Variants in PPP1R9A observed in about 807,000 individuals in gnomAD.
PPP1R9A encodes neurabin-1.
A neutral mutation model predicts 141.9 loss-of-function variants in PPP1R9A; 59 were observed. The ratio of observed to expected loss-of-function variants is 0.42; its 90% CI spans 0.34 to 0.52. The LOEUF (loss-of-function observed/expected upper bound fraction) is 0.52. PPP1R9A is among the 20% of genes least tolerant of loss of function. The pLI, the probability that PPP1R9A is intolerant of heterozygous loss-of-function variation, is 0.10. For missense variants in PPP1R9A, 1,444 were observed against 1,611.9 expected (o/e 0.90, Z 1.78); for synonymous variants, 500 against 569.7 (o/e 0.88, Z 1.74).
rs1795107270 is a variant in PPP1R9A, at chr7:95,226,062, C to G, written c.2058C>G (p.Asp686Glu). Residue 686 changes from aspartate to glutamate, a missense_variant, in exon 8 of 20, where the codon GAC becomes GAG. Transcript: ENST00000433360. ...IEVFELPENEDMFSPSELDTS... is the reference protein window; with the variant it reads ...IEVFELPENEEMFSPSELDTS... ...TCTTTGAGCTGCCTGAGAATGAGGACATGTTTTCCCCATCAGAACTGGACA... is the reference window on the plus strand; with the variant it reads ...TCTTTGAGCTGCCTGAGAATGAGGAGATGTTTTCCCCATCAGAACTGGACA... 6.2e-7 allele frequency: 1 copy of G among 1,613,472 alleles called. No homozygotes were observed. Among genetic ancestry groups the G allele is most frequent in the Non-Finnish European group, 8.5e-7 (1 of 1,179,652 alleles).
intron 8 of PPP1R9A, among the ~76,000 whole-genome samples, chr7:95,230,639 A>C (rs1045684051): frequency 2.0e-5 from 3 of 152,186 alleles, no homozygotes; most frequent in African/African-American, 7.2e-5. Context: ...TAAAGCCTCC[A>C]AGAAGTTTGG....
chr7:95,018,973 T>C (rs1003193472), intron 2 of PPP1R9A, among the ~76,000 whole-genome samples: 4 of 152,186 alleles, frequency 2.6e-5, no homozygotes, highest in African/African-American at 9.7e-5. Flanking sequence ...GGAAAATCTT[T>C]TCAGAAATGG....
At chr7:94,940,771 T>C (rs1795255655) in intron 2 of PPP1R9A, among the ~76,000 whole-genome samples, 1 of 152,012 alleles carries the variant, frequency 6.6e-6, no homozygotes, top group Admixed American at 6.6e-5. Flanking sequence ...GGTAGATTCA[T>C]AGAATTTCAA....
intron 12 of PPP1R9A, among the ~76,000 whole-genome samples, chr7:95,257,316 A>G (rs761766927): frequency 2.0e-5 from 3 of 152,156 alleles, no homozygotes; most frequent in Non-Finnish European, 4.4e-5. Flanking sequence ...TGAGAATAAT[A>G]CAGAGCAGAC....
chr7:94,929,251 G>A (rs1793862418), intron 2 of PPP1R9A, among the ~76,000 whole-genome samples: 2 of 152,156 alleles, frequency 1.3e-5, no homozygotes, highest in Admixed American at 1.3e-4. Context: ...CTCCCAAGGA[G>A]CTTGAATTCG....
intron 2 of PPP1R9A, among the ~76,000 whole-genome samples, chr7:95,069,929 T>C (rs1225344190): frequency 6.6e-6 from 1 of 152,200 alleles, no homozygotes; most frequent in Non-Finnish European, 1.5e-5. Flanking sequence ...TACTATATGC[T>C]GTTCATGTTG....
At chr7:95,020,646 C>T (rs1214962201) in intron 2 of PPP1R9A, among the ~76,000 whole-genome samples, 2 of 152,086 alleles carry the variant, frequency 1.3e-5, no homozygotes, top group African/African-American at 2.4e-5. Context: ...CAGACAGGCC[C>T]CTTCTTGTGT....
chr7:94,941,626 C>T (rs1287135809), intron 2 of PPP1R9A, among the ~76,000 whole-genome samples: 9 of 150,168 alleles, frequency 6.0e-5, no homozygotes, highest in Non-Finnish European at 1.0e-4. Context: ...TTTTTTTGGC[C>T]TAGGCTGACC....
intron 8 of PPP1R9A, among the ~76,000 whole-genome samples, chr7:95,228,366 G>A (rs1017937828): frequency 6.6e-6 from 1 of 152,116 alleles, no homozygotes; most frequent in African/African-American, 2.4e-5. Context: ...AACATATACT[G>A]GAATTTGTTG....
chr7:95,142,998 A>C (rs1826973490), intron 4 of PPP1R9A, among the ~76,000 whole-genome samples: 1 of 152,150 alleles, frequency 6.6e-6, no homozygotes, highest in African/African-American at 2.4e-5. Context: ...GAATTTGGGA[A>C]CAGAGGAGTC....
At position 95,132,618 on chromosome 7, in the gene PPP1R9A, G is replaced by A. The variant is rs182292051; in HGVS notation, c.1649+11786G>A. Among the ~76,000 whole-genome samples, 342 of 152,164 alleles carry A rather than the reference G, an allele frequency of 2.2e-3. 2 individuals carry two copies. Among genetic ancestry groups the A allele is most frequent in the African/African-American group, 7.6e-3 (316 of 41,506 alleles). ...GATTCCGGTGTTACATGACCCCTTC[G>A]GTGCCGCTTCGCCAGCTGGAAATCT... On this transcript the variant is annotated intron_variant, in intron 4 of 19. Coordinates refer to ENST00000433360, the MANE Select transcript of PPP1R9A (RefSeq NM_001166160.2).
chr7:95,258,337 A>G (rs1053235942), intron 12 of PPP1R9A, among the ~76,000 whole-genome samples: 3 of 152,198 alleles, frequency 2.0e-5, no homozygotes, highest in African/African-American at 4.8e-5. Context: ...GTCTGTTCAT[A>G]TCCTTCGCCC....
chr7:94,981,441 T>C (rs1433226013), intron 2 of PPP1R9A, among the ~76,000 whole-genome samples: 1 of 152,182 alleles, frequency 6.6e-6, no homozygotes, highest in Non-Finnish European at 1.5e-5. Context: ...GGTTTCACCA[T>C]GTTGGCCAGG....
chr7:94,952,563 C>T (rs986900957), intron 2 of PPP1R9A, among the ~76,000 whole-genome samples: 5 of 152,150 alleles, frequency 3.3e-5, no homozygotes, highest in East Asian at 3.9e-4. Context: ...GTAATTTACA[C>T]ACCCACCAAC....
chr7:94,990,920 A>C (rs900316515), intron 2 of PPP1R9A, among the ~76,000 whole-genome samples: 7 of 152,134 alleles, frequency 4.6e-5, no homozygotes, highest in African/African-American at 2.4e-5. Context: ...CATTGTGTAT[A>C]AATACACCAC....
chr7:95,002,093 T>C (rs1803014435), intron 2 of PPP1R9A, among the ~76,000 whole-genome samples: 1 of 152,178 alleles, frequency 6.6e-6, no homozygotes, highest in East Asian at 1.9e-4. Context: ...GGGAAATAGC[T>C]AGCCCTTCAA....
intron 2 of PPP1R9A, among the ~76,000 whole-genome samples, chr7:95,038,810 G>T (rs941500444): frequency 1.3e-5 from 2 of 152,122 alleles, no homozygotes; most frequent in Non-Finnish European, 2.9e-5. Flanking sequence ...ACACTGGCAC[G>T]TCTCCAGTTT....
rs115856962 is a variant in PPP1R9A at position 94,992,511 on chromosome 7, G to A, written c.1395+81003G>A. ...TAATCACCTAGGAGTGGATCGTATT[G>A]TAGGTGTATGTTTACTTTTAAAGAA... On this transcript the variant is annotated intron_variant, in intron 2 of 19. Coordinates refer to ENST00000433360, the MANE Select transcript of PPP1R9A (RefSeq NM_001166160.2). 3.4e-3 allele frequency among the ~76,000 whole-genome samples: 520 copies of A among 152,304 alleles called. 5 individuals are homozygous for A. The highest frequency in any genetic ancestry group is 0.011 in the African/African-American group (477 of 41,560).
chr7:95,235,903 C>A (rs1173072062), intron 8 of PPP1R9A, among the ~76,000 whole-genome samples: 1 of 152,112 alleles, frequency 6.6e-6, no homozygotes, highest in Non-Finnish European at 1.5e-5. Context: ...AATGGAAAAC[C>A]AAACATCGTA....
Sources: gnomAD v4.1 joint callset for allele counts (sites outside exome capture counted in the v4.1 genomes callset) on GRCh38, gnomAD v4.1.1 for gene constraint, MANE v1.5 for transcripts, NCBI Gene and HGNC (gene_info 2026-07-23, HGNC 2026-07-21) for gene names.